DUSP22: variants seen among roughly 807,000 people sequenced by gnomAD.
The protein encoded by DUSP22 is dual specificity phosphatase 22.
A neutral mutation model predicts 24.5 loss-of-function variants in DUSP22; 24 were observed. The observed-to-expected ratio is 0.98, with a 90% CI of 0.71 to 1.38. The LOEUF (loss-of-function observed/expected upper bound fraction) is 1.38, where lower values mean the gene tolerates loss of function less well. DUSP22 is among the 40% of genes most tolerant of loss of function. The probability of loss-of-function intolerance (pLI) is 0.00; values close to 1 mark genes in which losing one functional copy is unlikely to be tolerated. For missense variants in DUSP22, 330 were observed against 269.2 expected (o/e 1.23, Z -1.58); for synonymous variants, 160 against 106.4 (o/e 1.50, Z -3.10).
Position 345,860 on chromosome 6 carries a change from A to G in DUSP22, c.195A>G (p.Arg65=), listed in dbSNP as rs1167364754. The G allele has an allele frequency of 1.9e-6, 3 of 1,614,232 alleles. No individual in the cohort carries two copies. The highest frequency in any genetic ancestry group is 1.6e-4 in the Middle Eastern group (1 of 6,062). The change falls in exon 5 of 7, where the codon AGA becomes AGG. Residue 65 remains arginine (R), a synonymous_variant. Transcript: ENST00000419235. ...TCTTTTTTTCTTTTCCCAGGACAAG[A>G]CATTTCAAAGAAAGTATTAAATTCA... ...AADSPSQNLT[R]HFKESIKFIH...
chr6:304,736 G>T lies in DUSP22; in HGVS notation c.55+75G>T. The T allele has an allele frequency of 1.9e-6, 3 of 1,589,044 alleles. No individual in the cohort carries two copies. In the South Asian group the frequency reaches 3.3e-5, roughly 18 times the overall value. On this transcript the variant is annotated intron_variant, in intron 2 of 6. Transcript: ENST00000419235. ...TGTGTCATCTTGACCATTTTAAAGT[G>T]TATAGGTCAGTGGCTTTAAGTAATT...
chr6:319,191 A>T (rs2127402569), intron 3 of DUSP22, among the ~76,000 whole-genome samples: 1 of 152,420 alleles, frequency 6.6e-6, no homozygotes, highest in South Asian at 2.1e-4. Flanking sequence ...ATGTCCAAGT[A>T]TCTATTCGAG....
intron 1 of DUSP22, among the ~76,000 whole-genome samples, chr6:300,783 C>G (rs1162229731): frequency 6.6e-6 from 1 of 152,294 alleles, no homozygotes; most frequent in African/African-American, 2.4e-5. Context: ...TGAAAGCCCA[C>G]ATCAGGGTCC....
intron 3 of DUSP22, among the ~76,000 whole-genome samples, chr6:327,457 A>G (rs1368606636): frequency 6.6e-6 from 1 of 152,306 alleles, no homozygotes; most frequent in Non-Finnish European, 1.5e-5. Flanking sequence ...TAAAATTCTG[A>G]AATGGCATGT....
intron 3 of DUSP22, among the ~76,000 whole-genome samples, chr6:324,748 C>T (rs1056783266): frequency 6.6e-6 from 1 of 152,304 alleles, no homozygotes; most frequent in South Asian, 2.1e-4. Context: ...GAGGGATCAT[C>T]CGTGCTGTTT....
At position 292,537 on chromosome 6, in the gene DUSP22, A is replaced by G. The variant is rs1399798009; in HGVS notation, c.-3A>G. The G allele has an allele frequency of 1.9e-6, 3 of 1,605,858 alleles. No individual in the cohort carries two copies. The highest frequency in any genetic ancestry group is 2.6e-6 in the Non-Finnish European group (3 of 1,176,132). On this transcript the variant is annotated 5_prime_UTR_variant, in exon 1 of 7. Coordinates refer to ENST00000419235, the MANE Select transcript of DUSP22 (RefSeq NM_001286555.3). The stretch of plus-strand genomic sequence containing the variant: ...GGGGCGCTAGCGTTCGCCTTCAGCC[A>G]CCATGGGGAATGGGATGAACAAGGT...
In DUSP22 at chr6:340,662, G is replaced by T. The variant is rs899221079; in HGVS notation, c.189-5192G>T. On this transcript the variant is annotated intron_variant, in intron 4 of 6. Coordinates refer to ENST00000419235, the MANE Select transcript of DUSP22 (RefSeq NM_001286555.3). ...TTGCACATACACTTTTGTATCATTT[G>T]CAGGAAGGAGGAGCACCCTGTGTCC... is the stretch of plus-strand genomic sequence containing the variant. 3.3e-5 allele frequency among the ~76,000 whole-genome samples: 5 copies of T among 152,418 alleles called. No individual in the cohort carries two copies. The South Asian group carries it at 6.2e-4, about 19-fold the overall frequency.
Position 350,179 on chromosome 6 carries a change from G to T in DUSP22, c.*1228G>T. The stretch of plus-strand genomic sequence containing the variant: ...AAAATGTTCGGTCATGATTGCTTTT[G>T]AAACCAAAGGGGAAGGTACCGATAT... On this transcript the variant is annotated 3_prime_UTR_variant, in exon 7 of 7. Coordinates refer to ENST00000419235, the MANE Select transcript of DUSP22 (RefSeq NM_001286555.3). The T allele has an allele frequency of 2.1e-5, 21 of 986,210 alleles. No homozygotes were observed. The highest frequency in any genetic ancestry group is 2.3e-5 in the Non-Finnish European group (19 of 830,470). The allele number at this position is 986,210 out of a possible 1,614,324, so 61.1% of individuals were successfully genotyped here.
At chr6:329,918 C>CTT (rs111238311) in intron 3 of DUSP22, among the ~76,000 whole-genome samples, 1 of 149,148 alleles carries the variant, frequency 6.7e-6, no homozygotes, top group African/African-American at 2.4e-5. Flanking sequence ...GCTTTTAATT[C>CTT]TTTTTTTTTT....
chr6:307,795 G>A (rs562826286), intron 2 of DUSP22, among the ~76,000 whole-genome samples: 22 of 152,420 alleles, frequency 1.4e-4, no homozygotes, highest in Non-Finnish European at 2.5e-4. Flanking sequence ...GACCATGTTC[G>A]CAGTCTTGAG....
At chr6:310,229 G>A (rs994371167) in intron 2 of DUSP22, among the ~76,000 whole-genome samples, 6 of 152,296 alleles carry the variant, frequency 3.9e-5, no homozygotes, top group Admixed American at 6.5e-5. Flanking sequence ...CCAAAGTTCC[G>A]GGATTACAGG....
At chr6:333,330 T>C (rs1759217291) in intron 3 of DUSP22, among the ~76,000 whole-genome samples, 1 of 152,304 alleles carries the variant, frequency 6.6e-6, no homozygotes, top group African/African-American at 2.4e-5. Flanking sequence ...GATGTTCCCA[T>C]GTGGATAAAC....
intron 1 of DUSP22, 96 bp from the exon 2 acceptor site, chr6:304,532 C>T: frequency 6.4e-7 from 1 of 1,569,898 alleles, no homozygotes; most frequent in Non-Finnish European, 8.8e-7. Context: ...AAGCACCTGG[C>T]CTTTGCAGGG....
rs1051398193 is a variant in DUSP22, at chr6:349,846, G to A, written c.*895G>A. The A allele has an allele frequency of 7.1e-6, 7 of 986,010 alleles. No homozygotes were observed. The East Asian group carries it at 6.8e-4, about 96-fold the overall frequency. 61.1% of individuals were successfully genotyped at this position (986,010 alleles called of 1,614,324 possible). ...TTGCACTTGAGCTCTGTGGTGGGCA[G>A]GCGCACTTTAGCCTAAGTTGGGTGC... is the stretch of plus-strand genomic sequence containing the variant. On this transcript the variant is annotated 3_prime_UTR_variant, in exon 7 of 7. Transcript: ENST00000419235.
chr6:349,005 G>C lies in DUSP22; in HGVS notation c.*54G>C, dbSNP rs918480315. On this transcript the variant is annotated 3_prime_UTR_variant, in exon 7 of 7. Coordinates refer to ENST00000419235, the MANE Select transcript of DUSP22 (RefSeq NM_001286555.3). ...CTGCTTGTCTTCAGTGTGCCCGGCT[G>C]GGCAGGGGTGCGGTGGTGGTGGCCG... The C allele has an allele frequency of 5.8e-6, 9 of 1,546,458 alleles. No individual in the cohort carries two copies. Among genetic ancestry groups the C allele is most frequent in the Non-Finnish European group, 7.9e-6 (9 of 1,144,786 alleles).
intron 4 of DUSP22, among the ~76,000 whole-genome samples, chr6:344,378 T>G (rs1581192068): frequency 6.6e-6 from 1 of 152,296 alleles, no homozygotes; most frequent in African/African-American, 2.4e-5. Context: ...CTTAACCTCC[T>G]GGGCTCAAGA....
intron 3 of DUSP22, among the ~76,000 whole-genome samples, chr6:312,298 A>T (rs1188497015): frequency 6.6e-6 from 1 of 152,306 alleles, no homozygotes; most frequent in African/African-American, 2.4e-5. Context: ...TGGTTTTAAA[A>T]TCCAAAAAAC....
Position 350,827 on chromosome 6 carries a change from C to T in DUSP22, c.*1876C>T. On this transcript the variant is annotated 3_prime_UTR_variant, in exon 7 of 7. Transcript: ENST00000419235. ...GTAATGTTCTTTCTTCACAGCCGCT[C>T]CGGGAATTCTGAAGTTCTGGGCCTT... The T allele has an allele frequency of 6.2e-7, 1 of 1,614,266 alleles. No homozygotes were observed. The highest frequency in any genetic ancestry group is 8.5e-7 in the Non-Finnish European group (1 of 1,180,034).
At chr6:321,025 CA>C (rs1758564190) in intron 3 of DUSP22, among the ~76,000 whole-genome samples, 2 of 152,420 alleles carry the variant, frequency 1.3e-5, no homozygotes, top group South Asian at 4.1e-4. Context: ...CCTGGGCACC[CA>C]GGGGAGGCGG....
Sources: gnomAD v4.1 joint callset for allele counts (sites outside exome capture counted in the v4.1 genomes callset) on GRCh38, gnomAD v4.1.1 for gene constraint, MANE v1.5 for transcripts, NCBI Gene and HGNC (gene_info 2026-07-23, HGNC 2026-07-21) for gene names.